Variants in FLAD1 observed in about 807,000 individuals in gnomAD.
FLAD1 encodes bifunctional FAD diphosphatase/FAD synthase.
FLAD1 carries 35 observed loss-of-function variants against 55.0 expected under a neutral mutation model. That is an observed-to-expected ratio of 0.64 (90% confidence interval 0.49 to 0.84). The LOEUF is 0.84. FLAD1 is among the 40% of genes least tolerant of loss of function. FLAD1 has a pLI of 0.00. For synonymous variants in FLAD1, 267 were observed against 303.0 expected (o/e 0.88, Z 1.23); for missense variants, 665 against 742.6 (o/e 0.90, Z 1.21).
At chr1:154,990,073 AG>A in intron 3 of FLAD1, 85 bp from the exon 4 acceptor site, 1 of 1,095,196 alleles carries the variant, frequency 9.1e-7, no homozygotes, top group Non-Finnish European at 1.4e-6. Flanking sequence ...AGTCTGTCCT[AG>A]GGGCCAACGA....
chr1:154,993,028 C>T lies in FLAD1; in HGVS notation c.1755C>T (p.Ser585=). 6.2e-7 allele frequency: 1 copy of T among 1,614,010 alleles called. No individual in the cohort carries two copies. The highest frequency in any genetic ancestry group is 1.1e-5 in the South Asian group (1 of 91,082). The stretch of plus-strand genomic sequence containing the variant: ...AGAACGAAGAAGAGGAGCGGAACTC[C>T]CGCACATGACCTCCCACCCTAGGAG... ...LLENEEEERN[S]RT The change falls in exon 7 of 7, where the codon TCC becomes TCT. Residue 585 remains serine, a synonymous_variant. Coordinates refer to ENST00000292180, the MANE Select transcript of FLAD1 (RefSeq NM_025207.5).
chr1:154,991,858 T>C (rs1030866146), intron 5 of FLAD1, among the ~76,000 whole-genome samples: 2 of 148,780 alleles, frequency 1.3e-5, no homozygotes, highest in Non-Finnish European at 3.0e-5. Context: ...CTAAAAAAAA[T>C]AGGGCTGGGC....
intron 6 of FLAD1, 28 bp downstream of exon 6, chr1:154,992,814 T>C: frequency 6.2e-7 from 1 of 1,614,054 alleles, no homozygotes; most frequent in Non-Finnish European, 8.5e-7. Context: ...AGGGAATGGG[T>C]AAGGGAGTTT....
chr1:154,988,625 CT>C lies in FLAD1; in HGVS notation c.894del (p.Glu299ArgfsTer25). ...ADEASIAPIL[A>X]EAQAHFGRRL... ...GAAGCCTCCATCGCCCCCATTCTGG[CT>C]GAGGCCCAGGCCCACTTTGGACGTA... On this transcript the variant is annotated frameshift_variant, in exon 2 of 7. Transcript: ENST00000292180. LOFTEE classifies it high-confidence loss of function. 2.5e-6 allele frequency: 4 copies of C among 1,614,248 alleles called. No individual in the cohort carries two copies. Among genetic ancestry groups the C allele is most frequent in the Non-Finnish European group, 3.4e-6 (4 of 1,180,048 alleles).
intron 1 of FLAD1, 78 bp downstream of exon 1, chr1:154,984,144 A>G: frequency 7.7e-7 from 1 of 1,306,866 alleles, no homozygotes. Context: ...CCTCCATGGA[A>G]GGAGGTGAAA....
chr1:154,992,715 C>T lies in FLAD1; in HGVS notation c.1557C>T (p.Asp519=), dbSNP rs200477300. 3.1e-6 allele frequency: 5 copies of T among 1,614,194 alleles called. No homozygotes were observed. In the Admixed American group the frequency reaches 6.7e-5, roughly 22 times the overall value. The part of the protein sequence containing the change: ...PAFMRINPLL[D]WTYRDIWDFL... ...ATTCTATTACTCTGACCTCCCAGGACTGGACCTACAGAGACATCTGGGATT... is the reference window on the plus strand; with the variant it reads ...ATTCTATTACTCTGACCTCCCAGGATTGGACCTACAGAGACATCTGGGATT... Residue 519 remains aspartate (D), a splice_region_variant and synonymous_variant, in exon 6 of 7, where the codon GAC becomes GAT. Coordinates refer to ENST00000292180, the MANE Select transcript of FLAD1 (RefSeq NM_025207.5).
In FLAD1 at chr1:154,992,478, C is replaced by T. The variant is rs114503518; in HGVS notation, c.1555-235C>T. 18 of 1,186,284 alleles carry T rather than the reference C, an allele frequency of 1.5e-5. No homozygotes were observed. In the South Asian group the frequency reaches 2.4e-4, roughly 16 times the overall value. 73.5% of individuals were successfully genotyped at this position (1,186,284 alleles called of 1,614,324 possible). Reference sequence around the variant, plus strand: ...TAGACGGTTTCTCCCTGTCCTCAAGCTCCACCCTTGCACTAGAGGGTGGTT... The same window carrying T: ...TAGACGGTTTCTCCCTGTCCTCAAGTTCCACCCTTGCACTAGAGGGTGGTT... On this transcript the variant is annotated intron_variant, in intron 5 of 6. Coordinates refer to ENST00000292180, the MANE Select transcript of FLAD1 (RefSeq NM_025207.5).
chr1:154,990,115 C>T (rs947857207), intron 3 of FLAD1, 44 bp from the exon 4 acceptor site: 2 of 1,500,966 alleles, frequency 1.3e-6, no homozygotes, highest in Middle Eastern at 3.4e-4. Context: ...GGAGCCATTT[C>T]CTTGTCCATG....
At chr1:154,989,132 G>C (rs1277046454) in intron 2 of FLAD1, 3 of 708,842 alleles carry the variant, frequency 4.2e-6, no homozygotes, top group East Asian at 5.6e-5. Context: ...ATCCTGCATG[G>C]GGTGATGAAA....
Position 154,988,549 on chromosome 1 carries a change from CA to C in FLAD1, c.821del (p.Asn274ThrfsTer50). 5 of 1,614,224 alleles carry C rather than the reference CA, an allele frequency of 3.1e-6. No homozygotes were observed. Among genetic ancestry groups the C allele is most frequent in the Non-Finnish European group, 4.2e-6 (5 of 1,180,052 alleles). ...GCTGGAGGGGATGAAGGGACTATTC[CA>C]AAACCCAGCTGTTCAGTTCCACTCA... ...RVLEGMKGLF[Q>X]NPAVQFHSKE... On this transcript the variant is annotated frameshift_variant, in exon 2 of 7. Transcript: ENST00000292180. LOFTEE classifies it high-confidence loss of function.
intron 1 of FLAD1, 28 bp from the exon 2 acceptor site, chr1:154,988,077 T>C (rs1437985394): frequency 6.8e-6 from 11 of 1,614,026 alleles, no homozygotes; most frequent in Non-Finnish European, 9.3e-6. Flanking sequence ...ACAGTACTGA[T>C]GGCCTCATCT....
At position 154,988,379 on chromosome 1, in the gene FLAD1, G is replaced by T. The variant is rs148134209; in HGVS notation, c.647G>T (p.Gly216Val). Reference sequence around the variant, plus strand: ...GCCACCAAAGCCCTAGGAGGGGAAGGCTGGGAGAAGCTATCATTGGTGCCC... The same window carrying T: ...GCCACCAAAGCCCTAGGAGGGGAAGTCTGGGAGAAGCTATCATTGGTGCCC... ...EAATKALGGE[G>V]WEKLSLVPSS... Residue 216 changes from glycine to valine, a missense_variant, in exon 2 of 7, where the codon GGC (glycine) becomes GTC (valine). By Grantham distance (109) the Gly-to-Val change is moderately radical. Coordinates refer to ENST00000292180, the MANE Select transcript of FLAD1 (RefSeq NM_025207.5). The T allele has an allele frequency of 6.2e-7, 1 of 1,614,102 alleles. No homozygotes were observed. The highest frequency in any genetic ancestry group is 8.5e-7 in the Non-Finnish European group (1 of 1,180,052).
intron 1 of FLAD1, among the ~76,000 whole-genome samples, chr1:154,986,143 A>G (rs1657593435): frequency 6.6e-6 from 1 of 151,662 alleles, no homozygotes; most frequent in African/African-American, 2.4e-5. Context: ...GGTTCAGGCA[A>G]TTATCTCACC....
rs147148002 is a variant in FLAD1 at position 154,988,677 on chromosome 1, C to A, written c.945C>A (p.Asp315Glu). 5.1e-5 allele frequency: 83 copies of A among 1,614,104 alleles called. No individual in the cohort carries two copies. Among genetic ancestry groups the A allele is most frequent in the Non-Finnish European group, 2.5e-6 (3 of 1,180,052 alleles). ...GRRLGLGSYP[D>E]WGSNYYQVKL... ...GGCTTGGCCTGGGTTCCTACCCTGA[C>A]TGGGGCAGCAACTACTATCAGGTGA... The change falls in exon 2 of 7, where the codon GAC becomes GAA. Residue 315 changes from aspartate (D) to glutamate (E), a missense_variant. Transcript: ENST00000292180.
At position 154,990,140 on chromosome 1, in the gene FLAD1, G is replaced by T; in HGVS notation, c.1266-19G>T. 1 of 1,595,068 alleles carries T rather than the reference G, an allele frequency of 6.3e-7. No homozygotes were observed. The highest frequency in any genetic ancestry group is 8.6e-7 in the Non-Finnish European group (1 of 1,162,978). ...CCTTGTCCATGCTCACAAGCCTGTG[G>T]ATTCTTCCCCCTCTGCAGGAAATTA... On this transcript the variant is annotated intron_variant, in intron 3 of 6. Transcript: ENST00000292180.
Position 154,990,175 on chromosome 1 carries a change from C to A in FLAD1, c.1282C>A (p.Pro428Thr). The change falls in exon 4 of 7, where the codon CCA (proline) becomes ACA (threonine). Residue 428 changes from proline to threonine, a missense_variant. By Grantham distance (38) the Pro-to-Thr change is conservative. Coordinates refer to ENST00000292180, the MANE Select transcript of FLAD1 (RefSeq NM_025207.5). ...CCTCTGCAGGAAATTACCTGATGTTCCAAACCCCCTCCAGATCCTGTATAT... is the reference window on the plus strand; with the variant it reads ...CCTCTGCAGGAAATTACCTGATGTTACAAACCCCCTCCAGATCCTGTATAT... ...AAVQRKLPDVPNPLQILYIRS... is the reference protein window; with the variant it reads ...AAVQRKLPDVTNPLQILYIRS... The A allele has an allele frequency of 6.2e-7, 1 of 1,613,986 alleles. No homozygotes were observed. The highest frequency in any genetic ancestry group is 8.5e-7 in the Non-Finnish European group (1 of 1,179,882).
Position 154,983,561 on chromosome 1 carries a change from A to C in FLAD1, c.-134A>C, listed in dbSNP as rs1442998922. 5 of 882,216 alleles carry C rather than the reference A, an allele frequency of 5.7e-6. No homozygotes were observed. Among genetic ancestry groups the C allele is most frequent in the Non-Finnish European group, 8.6e-6 (5 of 578,256 alleles). The allele number at this position is 882,216 out of a possible 1,614,324, so 54.6% of individuals were successfully genotyped here. A position where few individuals can be genotyped will look rare whatever the true frequency, so the allele number is the denominator to read the frequency against. ...AGGCCCAGGATAAGGTAGACATTTA[A>C]AGGGGTACGGATGCCCAAGGTAGAG... is the stretch of plus-strand genomic sequence containing the variant. On this transcript the variant is annotated 5_prime_UTR_variant, in exon 1 of 7. Transcript: ENST00000292180.
Position 154,993,089 on chromosome 1 carries a change from A to T in FLAD1, c.*52A>T. 1 of 1,559,404 alleles carries T rather than the reference A, an allele frequency of 6.4e-7. No homozygotes were observed. The highest frequency in any genetic ancestry group is 8.8e-7 in the Non-Finnish European group (1 of 1,132,626). On this transcript the variant is annotated 3_prime_UTR_variant, in exon 7 of 7. Transcript: ENST00000292180. ...ACACCGTCCTAGGGTATAACCTGGC[A>T]ATAAACCGTGCCTCTCACTGTGCCT...
rs1363226927 is a variant in FLAD1, at chr1:154,989,573, GA to G, written c.1136del (p.Lys379ArgfsTer89). ...CCTGCTTGGCAGGGTCTTCTTTGGG[GA>G]AAAAGGTGGCAGGTGCCCTACAGAC... is the stretch of plus-strand genomic sequence containing the variant. ...KLAESGSSLG[K>X]KVAGALQTIE... On this transcript the variant is annotated frameshift_variant, in exon 3 of 7. Coordinates refer to ENST00000292180, the MANE Select transcript of FLAD1 (RefSeq NM_025207.5). LOFTEE classifies it high-confidence loss of function. 103 of 1,578,890 alleles carry G rather than the reference GA, an allele frequency of 6.5e-5. No homozygotes were observed. Among genetic ancestry groups the G allele is most frequent in the Admixed American group, 2.2e-4 (12 of 55,740 alleles).
Sources: allele counts gnomAD v4.1 joint callset (sites outside exome capture counted in the v4.1 genomes callset), GRCh38; gene constraint gnomAD v4.1.1; transcripts MANE v1.5; gene names NCBI Gene and HGNC (gene_info 2026-07-23, HGNC 2026-07-21).